CRYBG3: variants seen among roughly 807,000 people sequenced by gnomAD.
The protein encoded by CRYBG3 is very large A-kinase anchor protein.
CRYBG3 carries 127 observed loss-of-function variants against 244.2 expected under a neutral mutation model. The ratio of observed to expected loss-of-function variants is 0.52; its 90% confidence interval spans 0.45 to 0.60. The LOEUF is 0.60. Ranked by LOEUF, CRYBG3 falls within the 20% of genes least tolerant of loss-of-function variation. The pLI, the probability that CRYBG3 is intolerant of heterozygous loss-of-function variation, is 0.00. For missense variants in CRYBG3, 3,325 were observed against 3,442.5 expected (o/e 0.97, Z 0.85); for synonymous variants, 1,132 against 1,195.8 (o/e 0.95, Z 1.10).
At position 97,877,304 on chromosome 3, in the gene CRYBG3, T is replaced by C; in HGVS notation, c.6110T>C (p.Leu2037Pro). The C allele has an allele frequency of 2.5e-6, 4 of 1,614,118 alleles. No individual in the cohort carries two copies. The South Asian group carries it at 4.4e-5, about 18-fold the overall frequency. Residue 2037 changes from leucine (L) to proline (P), a missense_variant, in exon 4 of 22, where the codon CTG becomes CCG. Physicochemically the swap from Leu to Pro is moderately conservative, Grantham distance 98. Transcript: ENST00000389622. ...ACGTCCGCTGACAGCATGCCTGTTCTGGCATGTGAAAGGTCTGAGAGTAGA... is the reference window on the plus strand; with the variant it reads ...ACGTCCGCTGACAGCATGCCTGTTCCGGCATGTGAAAGGTCTGAGAGTAGA... ...HDTSADSMPV[L>P]ACERSESRTD...
intron 1 of CRYBG3, among the ~76,000 whole-genome samples, chr3:97,823,189 C>A (rs2038530672): frequency 6.6e-6 from 1 of 152,120 alleles, no homozygotes; most frequent in African/African-American, 2.4e-5. Flanking sequence ...TTTTCATCCC[C>A]CCGAAGAAAG....
chr3:97,933,828 T>G lies in CRYBG3; in HGVS notation c.8376T>G (p.Ser2792Arg), dbSNP rs758269627. 6.2e-7 allele frequency: 1 copy of G among 1,611,796 alleles called. No individual in the cohort carries two copies. The highest frequency in any genetic ancestry group is 1.1e-5 in the South Asian group (1 of 90,924). Residue 2792 changes from serine (S) to arginine (R), a missense_variant, in exon 18 of 22, where the codon AGT becomes AGG. By Grantham distance (110) the Ser-to-Arg change is moderately radical. Around this residue, in one of 4 missense-constraint regions of CRYBG3, gnomAD observed 714 missense variants for 803.6 expected, o/e 0.89. Coordinates refer to ENST00000389622, the MANE Select transcript of CRYBG3 (RefSeq NM_153605.4). Reference protein sequence around the residue: ...HFYTQSVWVKSGLWIAYEGSN... With the variant: ...HFYTQSVWVKRGLWIAYEGSN... ...ACACCCAGTCTGTGTGGGTAAAAAG[T>G]GGACTGTAAGTATGGGAAAAAGGCT...
At chr3:97,883,909 T>C (rs572061592) in intron 7 of CRYBG3, among the ~76,000 whole-genome samples, 19 of 152,332 alleles carry the variant, frequency 1.2e-4, no homozygotes, top group African/African-American at 4.6e-4. Context: ...TTGAATCATC[T>C]TTATATTAGT....
At chr3:97,892,031 T>G (rs2039584344) in intron 10 of CRYBG3, among the ~76,000 whole-genome samples, 2 of 152,192 alleles carry the variant, frequency 1.3e-5, no homozygotes, top group African/African-American at 4.8e-5. Context: ...ACTTCCACCT[T>G]TTGGTAGCCA....
At chr3:97,934,436 A>G (rs2040136619) in intron 18 of CRYBG3, among the ~76,000 whole-genome samples, 1 of 152,094 alleles carries the variant, frequency 6.6e-6, no homozygotes, top group Non-Finnish European at 1.5e-5. Context: ...CTCTGAATCC[A>G]GTTCTGAAGA....
chr3:97,896,164 A>G (rs1248198013), intron 12 of CRYBG3, 79 bp downstream of exon 12: 1 of 1,307,924 alleles, frequency 7.6e-7, no homozygotes, highest in Admixed American at 2.2e-5. Context: ...TCCTGATAGA[A>G]CATGAGATTA....
Position 97,898,168 on chromosome 3 carries a change from T to C in CRYBG3, c.7702-715T>C, listed in dbSNP as rs576989480. 6.0e-5 allele frequency among the ~76,000 whole-genome samples: 9 copies of C among 150,482 alleles called. 1 individual carries two copies. The highest frequency in any genetic ancestry group is 2.2e-4 in the African/African-American group (9 of 40,864). On this transcript the variant is annotated intron_variant, in intron 12 of 21. Transcript: ENST00000389622. ...CTGGGAGGCAGAGGTTGCAGTGAGC[T>C]GAGATCACACCATTGCACTCCAGCC... is the stretch of plus-strand genomic sequence containing the variant.
Position 97,914,634 on chromosome 3 carries a change from AG to A in CRYBG3, c.8115-972del, listed in dbSNP as rs201460830. ...ACCTCAGCTTCCTCATCTGTAAAGG[AG>A]GGGTAATAACGGTACCTACCTCAAA... On this transcript the variant is annotated intron_variant, in intron 16 of 21. Coordinates refer to ENST00000389622, the MANE Select transcript of CRYBG3 (RefSeq NM_153605.4). Among the ~76,000 whole-genome samples the A allele has an allele frequency of 1.3e-3, 201 of 152,252 alleles. 1 individual carries two copies. The highest frequency in any genetic ancestry group is 0.013 in the East Asian group (65 of 5,182).
rs1192096469 is a variant in CRYBG3, at chr3:97,877,537, G to T, written c.6343G>T (p.Asp2115Tyr). 3 of 1,614,114 alleles carry T rather than the reference G, an allele frequency of 1.9e-6. No homozygotes were observed. Among genetic ancestry groups the T allele is most frequent in the Non-Finnish European group, 2.5e-6 (3 of 1,180,004 alleles). The change falls in exon 4 of 22, where the codon GAC becomes TAC. Residue 2115 changes from aspartate to tyrosine, a missense_variant. Coordinates refer to ENST00000389622, the MANE Select transcript of CRYBG3 (RefSeq NM_153605.4). ...PGHHGPRKSR[D>Y]SENQSSSVLS... is the part of the protein sequence containing the mutation. ...TCACCATGGCCCCAGGAAATCAAGA[G>T]ACAGTGAAAACCAGTCCTCTTCTGT...
intron 15 of CRYBG3, among the ~76,000 whole-genome samples, chr3:97,910,143 C>G (rs1327373428): frequency 1.3e-5 from 2 of 151,566 alleles, no homozygotes; most frequent in African/African-American, 4.9e-5. Flanking sequence ...AACCACTGCT[C>G]TCTTCAAAGC....
chr3:97,902,729 A>AT (rs981043718), intron 15 of CRYBG3, among the ~76,000 whole-genome samples: 160 of 151,644 alleles, frequency 1.1e-3, no homozygotes, highest in African/African-American at 3.4e-3. Context: ...TATTGAGAAG[A>AT]TTTTTTTTTC....
In CRYBG3 at chr3:97,876,487, A is replaced by G. The variant is rs2039373804; in HGVS notation, c.5293A>G (p.Thr1765Ala). Residue 1765 changes from threonine (T) to alanine (A), a missense_variant, in exon 4 of 22, where the codon ACT becomes GCT. Thr to Ala is a moderately conservative substitution (Grantham distance 58). This residue lies in a region of CRYBG3 where 635 missense variants were observed against 771.7 expected (regional missense o/e 0.82). Transcript: ENST00000389622. ...VMPLALEVVN[T>A]YQKNAKGFTG... is the part of the protein sequence containing the mutation. ...GCCCCTTGCATTAGAGGTAGTAAAT[A>G]CTTACCAAAAAAATGCCAAAGGTTT... 1 of 1,232,114 alleles carries G rather than the reference A, an allele frequency of 8.1e-7. No individual in the cohort carries two copies. 76.3% of individuals were successfully genotyped at this position (1,232,114 alleles called of 1,614,324 possible).
intron 1 of CRYBG3, among the ~76,000 whole-genome samples, chr3:97,833,608 T>TA (rs1224666251): frequency 1.3e-5 from 2 of 151,912 alleles, no homozygotes; most frequent in Non-Finnish European, 2.9e-5. Context: ...TTAGGAGAAA[T>TA]ACCTAATGTG....
chr3:97,942,505 T>C, intron 21 of CRYBG3, 62 bp downstream of exon 21: 2 of 1,417,964 alleles, frequency 1.4e-6, no homozygotes, highest in Non-Finnish European at 1.9e-6. Flanking sequence ...CCAAATCTCC[T>C]CATTTTGGGT....
At chr3:97,883,617 C>A (rs1395156448) in intron 7 of CRYBG3, among the ~76,000 whole-genome samples, 1 of 151,990 alleles carries the variant, frequency 6.6e-6, no homozygotes, top group South Asian at 2.1e-4. Flanking sequence ...TGTACTTTTT[C>A]TTCTAGTGTT....
chr3:97,942,597 A>G, intron 21 of CRYBG3, 154 bp downstream of exon 21: 2 of 699,736 alleles, frequency 2.9e-6, no homozygotes, highest in Non-Finnish European at 4.5e-6. Context: ...AGTTTTACAA[A>G]CAAAACAATT....
chr3:97,889,448 C>T, intron 10 of CRYBG3, 58 bp downstream of exon 10: 1 of 1,359,484 alleles, frequency 7.4e-7, no homozygotes, highest in Non-Finnish European at 1.0e-6. Flanking sequence ...AATATTTATT[C>T]CAATAATTTT....
chr3:97,840,449 C>A (rs929168057), intron 1 of CRYBG3, among the ~76,000 whole-genome samples: 6 of 152,144 alleles, frequency 3.9e-5, no homozygotes, highest in Middle Eastern at 3.4e-3. Context: ...AGTAATATTT[C>A]TTTTGGTGAT....
Position 97,875,908 on chromosome 3 carries a change from A to C in CRYBG3, c.4714A>C (p.Arg1572=). 1 of 1,232,112 alleles carries C rather than the reference A, an allele frequency of 8.1e-7. No homozygotes were observed. The allele number at this position is 1,232,112 out of a possible 1,614,324, so 76.3% of individuals were successfully genotyped here. A position where few individuals can be genotyped will look rare whatever the true frequency, so the allele number is the denominator to read the frequency against. Reference sequence around the variant, plus strand: ...AGTCCCTCCTATGATAGAAATGGGAAGAATACATAAAATGGATGCTGAATT... The same window carrying C: ...AGTCCCTCCTATGATAGAAATGGGACGAATACATAAAATGGATGCTGAATT... ...EAVPPMIEMG[R]IHKMDAELNV... is the part of the protein sequence containing the mutation. The change falls in exon 4 of 22, where the codon AGA becomes CGA. Residue 1572 remains arginine, a synonymous_variant. Coordinates refer to ENST00000389622, the MANE Select transcript of CRYBG3 (RefSeq NM_153605.4).
Sources: allele counts gnomAD v4.1 joint callset (sites outside exome capture counted in the v4.1 genomes callset), GRCh38; gene constraint gnomAD v4.1.1; regional missense constraint gnomAD v4.1.1; transcripts MANE v1.5; gene names NCBI Gene and HGNC (gene_info 2026-07-23, HGNC 2026-07-21).